The following NSD3 variants were observed in gnomAD, a reference collection of about 807,000 sequenced individuals.
NSD3 encodes nuclear receptor binding SET domain protein 3.
In NSD3, 24 loss-of-function variants were observed where a neutral mutation model predicts 160.8. The observed-to-expected ratio is 0.15, with a 90% CI of 0.11 to 0.21. NSD3 has a LOEUF of 0.21. Among genes scored for constraint, NSD3 ranks in the 10% least tolerant of loss-of-function variants. The probability of loss-of-function intolerance (pLI) is 1.00; values close to 1 mark genes in which losing one functional copy is unlikely to be tolerated. For synonymous variants in NSD3, 520 were observed against 600.0 expected, an observed-to-expected ratio of 0.87 and a Z score of 1.95; for missense variants, 1,157 against 1,735.9, an observed-to-expected ratio of 0.67 and a Z score of 5.93.
rs1563345990 is a variant in NSD3, at chr8:38,295,945, T to A, written c.2766A>T (p.Arg922Ser). The part of the protein sequence containing the change: ...ASKKKCEKGG[R>S]LLCCESCPAS... ...CTGGGCACGATTCACAGCAGAGCAA[T>A]CTTCCACCTTGAAACAAATAAACAG... is the stretch of plus-strand genomic sequence containing the variant. Residue 922 changes from arginine to serine, a missense_variant, in exon 16 of 24, where the codon AGA becomes AGT. Arg to Ser is a moderately radical substitution (Grantham distance 110). Around this residue, in one of 10 missense-constraint regions of NSD3, gnomAD observed 437 missense variants for 576.6 expected, o/e 0.76. Transcript: ENST00000317025. 3 of 1,609,602 alleles carry A rather than the reference T, an allele frequency of 1.9e-6. No individual in the cohort carries two copies. Among genetic ancestry groups the A allele is most frequent in the East Asian group, 4.5e-5 (2 of 44,760 alleles).
intron 1 of NSD3, chr8:38,380,673 G>A (rs1811518747): frequency 6.6e-6 from 1 of 152,090 alleles, no homozygotes; most frequent in Non-Finnish European, 1.5e-5. Context: ...GGTAGTGATG[G>A]AAAACATCAC....
At chr8:38,313,757 C>T (rs1350146724) in intron 12 of NSD3, among the ~76,000 whole-genome samples, 2 of 144,782 alleles carry the variant, frequency 1.4e-5, no homozygotes, top group Non-Finnish European at 3.0e-5. Context: ...CACTGCACTC[C>T]AGCCTGGGCG....
intron 2 of NSD3, 34 bp from the exon 3 acceptor site, chr8:38,338,641 T>C (rs748052001): frequency 6.5e-7 from 1 of 1,527,988 alleles, no homozygotes; most frequent in South Asian, 1.1e-5. Context: ...TAGAATAAAA[T>C]GGCATTAAAT....
chr8:38,279,872 G>T (rs1808692367), intron 20 of NSD3, 191 bp from the exon 21 acceptor site: 2 of 572,452 alleles, frequency 3.5e-6, no homozygotes, highest in Non-Finnish European at 6.0e-6. Context: ...TCAAGTCAAA[G>T]TAATTAGGAT....
Position 38,278,416 on chromosome 8 carries a change from A to G in NSD3, c.3761-4T>C, listed in dbSNP as rs528035944. Reference sequence around the variant, plus strand: ...TAATTAAATGTTAACTCCATCCCTGAAACACAGGAGAAATAATTATTCAAA... The same window carrying G: ...TAATTAAATGTTAACTCCATCCCTGGAACACAGGAGAAATAATTATTCAAA... On this transcript the variant is annotated splice_polypyrimidine_tract_variant and splice_region_variant and intron_variant, in intron 21 of 23. Coordinates refer to ENST00000317025, the MANE Select transcript of NSD3 (RefSeq NM_023034.2). 5.6e-6 allele frequency: 9 copies of G among 1,608,270 alleles called. No individual in the cohort carries two copies. Among genetic ancestry groups the G allele is most frequent in the Non-Finnish European group, 7.6e-6 (9 of 1,176,694 alleles).
intron 19 of NSD3, among the ~76,000 whole-genome samples, chr8:38,284,341 C>T (rs1013742935): frequency 1.3e-5 from 2 of 152,152 alleles, no homozygotes; most frequent in Non-Finnish European, 2.9e-5. Context: ...ATTGTATTGC[C>T]ATCTTGGCTG....
intron 20 of NSD3, among the ~76,000 whole-genome samples, chr8:38,280,874 T>A (rs1808718156): frequency 6.6e-6 from 1 of 151,894 alleles, no homozygotes; most frequent in Non-Finnish European, 1.5e-5. Context: ...TGCCTCGGCC[T>A]CCTGAGGAGC....
chr8:38,366,180 G>A (rs1035236546), intron 1 of NSD3, among the ~76,000 whole-genome samples: 8 of 150,862 alleles, frequency 5.3e-5, no homozygotes, highest in Non-Finnish European at 2.9e-5. Flanking sequence ...TTTGTTGGTC[G>A]GCAATCTATA....
chr8:38,340,464 A>G (rs1477821506), intron 2 of NSD3, among the ~76,000 whole-genome samples: 1 of 152,064 alleles, frequency 6.6e-6, no homozygotes, highest in Non-Finnish European at 1.5e-5. Flanking sequence ...TAGCCTCCTG[A>G]GAAACTGGGA....
intron 22 of NSD3, among the ~76,000 whole-genome samples, 157 bp downstream of exon 22, chr8:38,278,149 A>G (rs1014081425): frequency 1.3e-5 from 2 of 152,044 alleles, no homozygotes; most frequent in Admixed American, 1.3e-4. Flanking sequence ...CGTGTTAGCC[A>G]GGATGGTCTC....
rs545567947 is a variant in NSD3, at chr8:38,278,007, T to C, written c.3867+299A>G. On this transcript the variant is annotated intron_variant, in intron 22 of 23. Transcript: ENST00000317025. ...AGGCTGGAGTGCAGTGGTGCGATCT[T>C]GGCTCACTGCAAGCTCCGCATCCCG... 4.5e-3 allele frequency among the ~76,000 whole-genome samples: 684 copies of C among 151,678 alleles called. 3 individuals carry two copies. The highest frequency in any genetic ancestry group is 9.2e-3 in the South Asian group (44 of 4,774).
chr8:38,372,442 G>T (rs1811269265), intron 1 of NSD3, among the ~76,000 whole-genome samples: 2 of 150,054 alleles, frequency 1.3e-5, no homozygotes, highest in African/African-American at 2.5e-5. Flanking sequence ...TTAAAAACTG[G>T]TTATTCAGTT....
At position 38,275,665 on chromosome 8, in the gene NSD3, A is replaced by T. The variant is rs1808582454; in HGVS notation, c.4290T>A (p.Asp1430Glu). ...SKIKCKWESQ[D>E]HGEEVKE ...TTTATTCTTTTACTTCTTCTCCATG[A>T]TCTTGTGATTCCCATTTACATTTTA... The change falls in exon 24 of 24, where the codon GAT becomes GAA. Residue 1430 changes from aspartate to glutamate, a missense_variant. This residue lies in a region of NSD3 where 222 missense variants were observed against 409.9 expected (regional missense o/e 0.54). Transcript: ENST00000317025. 1 of 1,614,054 alleles carries T rather than the reference A, an allele frequency of 6.2e-7. No individual in the cohort carries two copies. Among genetic ancestry groups the T allele is most frequent in the East Asian group, 2.2e-5 (1 of 44,880 alleles).
chr8:38,364,071 G>A (rs144556032), intron 1 of NSD3, among the ~76,000 whole-genome samples: 1 of 152,166 alleles, frequency 6.6e-6, no homozygotes, highest in African/African-American at 2.4e-5. Flanking sequence ...TCAGGAGTTC[G>A]AGGTCAGCCT....
intron 1 of NSD3, among the ~76,000 whole-genome samples, chr8:38,370,446 A>C (rs563454593): frequency 2.0e-5 from 3 of 150,808 alleles, no homozygotes; most frequent in Non-Finnish European, 4.4e-5. Context: ...ATAATTTTAT[A>C]ATTCAAAAAA....
At chr8:38,333,124 A>T (rs945129056) in intron 4 of NSD3, among the ~76,000 whole-genome samples, 3 of 152,222 alleles carry the variant, frequency 2.0e-5, no homozygotes, top group Non-Finnish European at 4.4e-5. Flanking sequence ...TATTCAGATT[A>T]AAAAAACATA....
In NSD3 at chr8:38,317,844, A is replaced by G; in HGVS notation, c.1855+1051T>C. On this transcript the variant is annotated intron_variant, in intron 9 of 23. Coordinates refer to ENST00000317025, the MANE Select transcript of NSD3 (RefSeq NM_023034.2). The surrounding 1 kb of genome is among the most constrained non-coding windows in gnomAD (Gnocchi z 5.3). Reference sequence around the variant, plus strand: ...AGGCAGGAAAATGCCAATAATGATGATTGGCGAAATCAAAATCGAAAACAA... The same window carrying G: ...AGGCAGGAAAATGCCAATAATGATGGTTGGCGAAATCAAAATCGAAAACAA... 1 of 1,527,470 alleles carries G rather than the reference A, an allele frequency of 6.5e-7. No individual in the cohort carries two copies. Among genetic ancestry groups the G allele is most frequent in the Non-Finnish European group, 8.8e-7 (1 of 1,135,918 alleles). The allele number at this position is 1,527,470 out of a possible 1,614,324, so 94.6% of individuals were successfully genotyped here.
Position 38,273,259 on chromosome 8 carries a change from G to A in NSD3, c.*2382C>T, listed in dbSNP as rs1808530070. On this transcript the variant is annotated 3_prime_UTR_variant, in exon 24 of 24. Transcript: ENST00000317025. ...GATCTGCCCACCTCGGCCTCCCAAAGTGCTGGGATTACAGGTGTGAGCCAC... is the reference window on the plus strand; with the variant it reads ...GATCTGCCCACCTCGGCCTCCCAAAATGCTGGGATTACAGGTGTGAGCCAC... 2 of 152,180 alleles carry A rather than the reference G, an allele frequency of 1.3e-5. No homozygotes were observed. Among genetic ancestry groups the A allele is most frequent in the Non-Finnish European group, 2.9e-5 (2 of 68,048 alleles). The allele number at this position is 152,180 out of a possible 1,614,324, so 9.4% of individuals were successfully genotyped here.
chr8:38,329,965 A>G lies in NSD3; in HGVS notation c.1066-72T>C. On this transcript the variant is annotated intron_variant, in intron 5 of 23. Transcript: ENST00000317025. This position sits in a 1 kb window ranked among gnomAD's most constrained non-coding sequence, Gnocchi z 4.8. ...ACATTAAAATTGATATGTATTTCCC[A>G]TGTGATCCTGTTATCTTTTCAGGTC... 1 of 1,483,302 alleles carries G rather than the reference A, an allele frequency of 6.7e-7. No individual in the cohort carries two copies. The highest frequency in any genetic ancestry group is 8.9e-7 in the Non-Finnish European group (1 of 1,118,812). 91.9% of individuals were successfully genotyped at this position (1,483,302 alleles called of 1,614,324 possible).
Sources: allele counts gnomAD v4.1 joint callset (sites outside exome capture counted in the v4.1 genomes callset), GRCh38; gene constraint gnomAD v4.1.1; regional missense constraint gnomAD v4.1.1; non-coding constraint Gnocchi (gnomAD v3.1); transcripts MANE v1.5; gene names NCBI Gene and HGNC (gene_info 2026-07-23, HGNC 2026-07-21).